TFEC: variants seen among roughly 807,000 people sequenced by gnomAD.
TFEC encodes the protein transcription factor EC.
TFEC carries 31 observed loss-of-function variants against 41.6 expected under a neutral mutation model. That is an observed-to-expected ratio of 0.74 (90% CI 0.56 to 1.01). TFEC has a LOEUF of 1.01. Ranked by LOEUF, TFEC falls within the 50% of genes least tolerant of loss-of-function variation. The probability of loss-of-function intolerance (pLI) is 0.00; values close to 1 mark genes in which losing one functional copy is unlikely to be tolerated. For synonymous variants in TFEC, 143 were observed against 140.6 expected, an observed-to-expected ratio of 1.02 and a Z score of -0.12; for missense variants, 402 against 404.1, an observed-to-expected ratio of 0.99 and a Z score of 0.04.
chr7:116,009,650 A>C (rs1794925342), intron 1 of TFEC, among the ~76,000 whole-genome samples: 1 of 152,110 alleles, frequency 6.6e-6, no homozygotes, highest in Admixed American at 6.6e-5. Flanking sequence ...GTGTCATAAA[A>C]CCAAGCAGAA....
intron 3 of TFEC, among the ~76,000 whole-genome samples, chr7:116,042,398 T>C (rs1331608043): frequency 6.6e-6 from 1 of 152,224 alleles, no homozygotes; most frequent in Non-Finnish European, 1.5e-5. Context: ...AGAGAAGTTA[T>C]ATGAGATAGG....
chr7:115,985,146 T>C (rs1374707346), intron 1 of TFEC, among the ~76,000 whole-genome samples: 1 of 152,148 alleles, frequency 6.6e-6, no homozygotes. Flanking sequence ...GAGAAAGTGG[T>C]ATAGTCATTA....
intron 3 of TFEC, among the ~76,000 whole-genome samples, chr7:116,063,420 T>A (rs1315430086): frequency 6.6e-6 from 1 of 152,010 alleles, no homozygotes; most frequent in Non-Finnish European, 1.5e-5. Flanking sequence ...AGTTCAAGAC[T>A]AGCCTGGCCA....
intron 3 of TFEC, among the ~76,000 whole-genome samples, chr7:116,093,364 A>C (rs1797372656): frequency 6.6e-6 from 1 of 152,310 alleles, no homozygotes; most frequent in South Asian, 2.1e-4. Context: ...AGGATCATAA[A>C]GGCACAGGAC....
chr7:116,114,944 A>G (rs1389549593), intron 1 of TFEC, among the ~76,000 whole-genome samples: 1 of 151,890 alleles, frequency 6.6e-6, no homozygotes, highest in African/African-American at 2.4e-5. Flanking sequence ...CAGAGAATGA[A>G]GACAAAGACA....
Position 116,062,044 on chromosome 7 carries a change from C to T in TFEC, c.198+48664G>A, listed in dbSNP as rs189491311. ...CTCCTTCCCATCCCTTCCCCTAGTC[C>T]CCAAAGTCTACTGTACCATTCTTTT... is the stretch of plus-strand genomic sequence containing the variant. On this transcript the variant is annotated intron_variant, in intron 3 of 8. Transcript: ENST00000484212. 7.3e-5 allele frequency among the ~76,000 whole-genome samples: 11 copies of T among 150,978 alleles called. No individual in the cohort carries two copies. In the East Asian group the frequency reaches 1.6e-3, roughly 21 times the overall value.
intron 1 of TFEC, among the ~76,000 whole-genome samples, chr7:115,989,613 C>G (rs1158359061): frequency 6.6e-6 from 1 of 152,188 alleles, no homozygotes; most frequent in Non-Finnish European, 1.5e-5. Flanking sequence ...GCCCACGGAG[C>G]CTTGCTCACT....
intron 1 of TFEC, among the ~76,000 whole-genome samples, chr7:116,021,340 T>A (rs183177263): frequency 1.3e-3 from 194 of 152,342 alleles, no homozygotes; most frequent in African/African-American, 4.5e-3. Context: ...TCATTTGCTG[T>A]TATAAATCTA....
chr7:116,116,626 C>G (rs895080865), intron 1 of TFEC, among the ~76,000 whole-genome samples: 1 of 151,808 alleles, frequency 6.6e-6, no homozygotes, highest in African/African-American at 2.4e-5. Flanking sequence ...ATTTACTGAC[C>G]ATCTTCAGTG....
intron 3 of TFEC, among the ~76,000 whole-genome samples, chr7:116,051,968 C>T (rs1348103020): frequency 6.6e-6 from 1 of 151,786 alleles, no homozygotes; most frequent in Non-Finnish European, 1.5e-5. Flanking sequence ...GTCCTTTGTT[C>T]TGAGAAGGTG....
chr7:116,144,948 T>G (rs1798613167), intron 1 of TFEC, among the ~76,000 whole-genome samples: 3 of 152,130 alleles, frequency 2.0e-5, no homozygotes, highest in Non-Finnish European at 4.4e-5. Flanking sequence ...CTCTCTCTCT[T>G]TCTCTCCAGA....
chr7:116,060,002 G>C (rs1438628908), intron 3 of TFEC, among the ~76,000 whole-genome samples: 3 of 152,022 alleles, frequency 2.0e-5, no homozygotes, highest in Non-Finnish European at 4.4e-5. Flanking sequence ...AAGACATCTA[G>C]ATTGGAAAAA....
intron 1 of TFEC, among the ~76,000 whole-genome samples, chr7:116,016,600 A>G (rs889960920): frequency 2.6e-5 from 4 of 152,082 alleles, no homozygotes; most frequent in African/African-American, 9.7e-5. Flanking sequence ...TACTATGTAC[A>G]TGCTAATATA....
intron 3 of TFEC, among the ~76,000 whole-genome samples, chr7:116,083,151 TTGACTA>T (rs1443191273): frequency 6.6e-6 from 1 of 151,888 alleles, no homozygotes; most frequent in Admixed American, 6.6e-5. Flanking sequence ...TAATTAGTAT[TTGACTA>T]TAAGTGCACA....
chr7:116,065,964 G>A (rs1484533396), intron 3 of TFEC, among the ~76,000 whole-genome samples: 3 of 152,050 alleles, frequency 2.0e-5, no homozygotes, highest in East Asian at 1.9e-4. Context: ...AATGCAACCC[G>A]ATTGAGGTTA....
chr7:116,000,006 G>A (rs1794526274), intron 1 of TFEC, among the ~76,000 whole-genome samples: 1 of 151,882 alleles, frequency 6.6e-6, no homozygotes, highest in African/African-American at 2.4e-5. Flanking sequence ...ACCAGACAAA[G>A]ACATATCAAT....
At position 116,049,813 on chromosome 7, in the gene TFEC, G is replaced by A. The variant is rs181950933; in HGVS notation, c.198+60895C>T. On this transcript the variant is annotated intron_variant, in intron 3 of 8. Transcript: ENST00000484212. The stretch of plus-strand genomic sequence containing the variant: ...CACAGTGCAATCAAACTAGAACTCA[G>A]GATTAAGAAACTCACTCAAAACCAC... 3.6e-3 allele frequency among the ~76,000 whole-genome samples: 553 copies of A among 152,234 alleles called. 1 individual carries two copies. Among genetic ancestry groups the A allele is most frequent in the Middle Eastern group, 0.017 (5 of 294 alleles).
intron 3 of TFEC, among the ~76,000 whole-genome samples, chr7:116,058,008 A>G (rs1796468846): frequency 1.3e-5 from 2 of 151,818 alleles, no homozygotes; most frequent in African/African-American, 4.8e-5. Flanking sequence ...ACAAGTATCA[A>G]GATGACAGAT....
chr7:116,061,719 T>C (rs1796560354), intron 3 of TFEC, among the ~76,000 whole-genome samples: 3 of 152,104 alleles, frequency 2.0e-5, no homozygotes, highest in South Asian at 2.1e-4. Context: ...TGAGGGTGTA[T>C]ATTCAGAATA....
Sources: allele counts gnomAD v4.1 joint callset (sites outside exome capture counted in the v4.1 genomes callset), GRCh38; gene constraint gnomAD v4.1.1; transcripts MANE v1.5; gene names NCBI Gene and HGNC (gene_info 2026-07-23, HGNC 2026-07-21).